The following COL9A3 variants were observed in gnomAD, a reference collection of about 807,000 sequenced individuals.
COL9A3 encodes collagen type IX alpha 3 chain.
Under a neutral mutation model 110.2 loss-of-function variants are expected in COL9A3, and 82 were observed. That is an observed-to-expected ratio of 0.74 (90% CI 0.62 to 0.89). COL9A3 has a LOEUF of 0.89. Among genes scored for constraint, COL9A3 ranks in the 40% least tolerant of loss-of-function variants. COL9A3 has a pLI of 0.00. For synonymous variants in COL9A3, 494 were observed against 403.8 expected (o/e 1.22, Z -2.68); for missense variants, 1,066 against 981.3 (o/e 1.09, Z -1.15).
chr20:62,832,868 C>CG (rs1655355803), intron 25 of COL9A3, 152 bp from the exon 26 acceptor site: 1 of 710,576 alleles, frequency 1.4e-6, no homozygotes, highest in Non-Finnish European at 2.6e-6. Flanking sequence ...GTGTTTGGAG[C>CG]GGGTTAAAAG....
Position 62,828,944 on chromosome 20 carries a change from G to A in COL9A3, c.976G>A (p.Ala326Thr). 6.2e-7 allele frequency: 1 copy of A among 1,611,232 alleles called. No individual in the cohort carries two copies. The highest frequency in any genetic ancestry group is 8.5e-7 in the Non-Finnish European group (1 of 1,179,672). ...GQKGEAGRNG[A>T]PGEKGPNGLP... Reference sequence around the variant, plus strand: ...ACAGGGAGAGGCTGGTCGCAACGGTGCTCCGGGAGAGAAGGGCCCCAACGG... The same window carrying A: ...ACAGGGAGAGGCTGGTCGCAACGGTACTCCGGGAGAGAAGGGCCCCAACGG... Residue 326 changes from alanine to threonine, a missense_variant, in exon 19 of 32, where the codon GCT becomes ACT. By Grantham distance (58) the Ala-to-Thr change is moderately conservative. Coordinates refer to ENST00000649368, the MANE Select transcript of COL9A3 (RefSeq NM_001853.4).
At position 62,837,270 on chromosome 20, in the gene COL9A3, G is replaced by A. The variant is rs2147229797; in HGVS notation, c.1786+5G>A. Reference sequence around the variant, plus strand: ...TGGGAGACCCCGGGCCCAGAGGTGAGTGTTTGACCCCATGACACGGTCACC... The same window carrying A: ...TGGGAGACCCCGGGCCCAGAGGTGAATGTTTGACCCCATGACACGGTCACC... On this transcript the variant is annotated splice_donor_5th_base_variant and intron_variant, in intron 30 of 31. Coordinates refer to ENST00000649368, the MANE Select transcript of COL9A3 (RefSeq NM_001853.4). 3 of 1,608,846 alleles carry A rather than the reference G, an allele frequency of 1.9e-6. No individual in the cohort carries two copies. Among genetic ancestry groups the A allele is most frequent in the Non-Finnish European group, 2.5e-6 (3 of 1,179,730 alleles).
chr20:62,836,179 C>G lies in COL9A3; in HGVS notation c.1402-8C>G. On this transcript the variant is annotated splice_region_variant and splice_polypyrimidine_tract_variant and intron_variant, in intron 27 of 31. Coordinates refer to ENST00000649368, the MANE Select transcript of COL9A3 (RefSeq NM_001853.4). ...GCCCCTGACCCACCTTCCTCTGTTC[C>G]TCTGCAGTCTGGCAGTCGAGGGGAG... 6.2e-7 allele frequency: 1 copy of G among 1,613,038 alleles called. No homozygotes were observed. Among genetic ancestry groups the G allele is most frequent in the Non-Finnish European group, 8.5e-7 (1 of 1,179,874 alleles).
intron 13 of COL9A3, 21 bp downstream of exon 13, chr20:62,825,891 G>C (rs376835378): frequency 6.4e-7 from 1 of 1,556,174 alleles, no homozygotes; most frequent in Non-Finnish European, 8.7e-7. Context: ...GAAGGGGTAA[G>C]GATGGTGGGA....
chr20:62,824,760 C>G (rs553356577), intron 11 of COL9A3, among the ~76,000 whole-genome samples: 2 of 152,332 alleles, frequency 1.3e-5, no homozygotes, highest in South Asian at 4.1e-4. Context: ...CAGCCCAGCC[C>G]TGGCCCGCTC....
Position 62,829,749 on chromosome 20 carries a change from C to A in COL9A3, c.1108-17C>A, listed in dbSNP as rs1330822682. 6.3e-7 allele frequency: 1 copy of A among 1,591,550 alleles called. No individual in the cohort carries two copies. The highest frequency in any genetic ancestry group is 8.6e-7 in the Non-Finnish European group (1 of 1,169,548). On this transcript the variant is annotated splice_polypyrimidine_tract_variant and intron_variant, in intron 21 of 31. Transcript: ENST00000649368. ...TGTGCAGACCCTGCCCTGACACCCTCCTTCCTTTCCCTGTAGGGAGATGCT... is the reference window on the plus strand; with the variant it reads ...TGTGCAGACCCTGCCCTGACACCCTACTTCCTTTCCCTGTAGGGAGATGCT...
At chr20:62,833,427 C>CG (rs1163233182) in intron 26 of COL9A3, among the ~76,000 whole-genome samples, 3 of 152,122 alleles carry the variant, frequency 2.0e-5, no homozygotes, top group Non-Finnish European at 4.4e-5. Flanking sequence ...TGTTTTGAGA[C>CG]GAGTCTCACT....
chr20:62,832,317 C>G, intron 25 of COL9A3, 128 bp downstream of exon 25: 2 of 934,462 alleles, frequency 2.1e-6, no homozygotes, highest in Non-Finnish European at 3.4e-6. Flanking sequence ...CTCCTCTTGC[C>G]GTGTCTGTCA....
rs532958029 is a variant in COL9A3 at position 62,840,869 on chromosome 20, C to T, written c.*137C>T. 255 of 967,708 alleles carry T rather than the reference C, an allele frequency of 2.6e-4. 1 individual carries two copies. In the African/African-American group the frequency reaches 3.5e-3, roughly 13 times the overall value. The allele number at this position is 967,708 out of a possible 1,614,324, so 59.9% of individuals were successfully genotyped here. A position where few individuals can be genotyped will look rare whatever the true frequency, so the allele number is the denominator to read the frequency against. Reference sequence around the variant, plus strand: ...GCCCCTCGGCCGCCGACTGGACGCGCGGGCCTTGCCAGCGAGCACCCTCAT... The same window carrying T: ...GCCCCTCGGCCGCCGACTGGACGCGTGGGCCTTGCCAGCGAGCACCCTCAT... On this transcript the variant is annotated 3_prime_UTR_variant, in exon 32 of 32. Coordinates refer to ENST00000649368, the MANE Select transcript of COL9A3 (RefSeq NM_001853.4).
rs376678392 is a variant in COL9A3 at position 62,828,015 on chromosome 20, G to C, written c.900+39G>C. On this transcript the variant is annotated intron_variant, in intron 17 of 31. Coordinates refer to ENST00000649368, the MANE Select transcript of COL9A3 (RefSeq NM_001853.4). ...GCTGCTCATGGAATGCTCCTCCCCCGGGTCCTGGGTATGTACAGGTGGAGA... is the reference window on the plus strand; with the variant it reads ...GCTGCTCATGGAATGCTCCTCCCCCCGGTCCTGGGTATGTACAGGTGGAGA... 8 of 1,608,510 alleles carry C rather than the reference G, an allele frequency of 5.0e-6. No individual in the cohort carries two copies. In the South Asian group the frequency reaches 8.8e-5, roughly 18 times the overall value.
At chr20:62,822,288 C>T (rs2063518912) in intron 9 of COL9A3, 124 bp downstream of exon 9, 4 of 754,384 alleles carry the variant, frequency 5.3e-6, no homozygotes, top group South Asian at 2.9e-5. Flanking sequence ...AACTTGGCCA[C>T]TCCCAGGAAC....
chr20:62,829,537 G>A, intron 20 of COL9A3, 38 bp downstream of exon 20: 1 of 1,611,226 alleles, frequency 6.2e-7, no homozygotes, highest in Non-Finnish European at 8.5e-7. Flanking sequence ...GGGAGGGGAG[G>A]CGAGGGGCCG....
intron 10 of COL9A3, among the ~76,000 whole-genome samples, chr20:62,823,639 G>C (rs1319273977): frequency 6.6e-6 from 1 of 152,248 alleles, no homozygotes; most frequent in African/African-American, 2.4e-5. Flanking sequence ...AGGGGCTGAA[G>C]ATACGGGTCT....
chr20:62,822,671 T>C (rs757239842), intron 10 of COL9A3, 39 bp downstream of exon 10: 5 of 1,601,860 alleles, frequency 3.1e-6, no homozygotes, highest in Non-Finnish European at 4.3e-6. Flanking sequence ...TGCTGGGGGG[T>C]GCCTACCTTG....
chr20:62,833,678 C>T (rs1050921995), intron 26 of COL9A3, among the ~76,000 whole-genome samples: 6 of 151,626 alleles, frequency 4.0e-5, no homozygotes, highest in Non-Finnish European at 7.4e-5. Flanking sequence ...GCTGGGATTA[C>T]AGGCATGAGC....
At chr20:62,824,878 C>T (rs2063537984) in intron 11 of COL9A3, 90 bp from the exon 12 acceptor site, 27 of 1,367,548 alleles carry the variant, frequency 2.0e-5, no homozygotes, top group Non-Finnish European at 2.5e-5. Context: ...GGGCCCTGGG[C>T]TGACTGACCC....
intron 5 of COL9A3, among the ~76,000 whole-genome samples, chr20:62,820,834 A>AC (rs2063507018): frequency 6.6e-6 from 1 of 152,076 alleles, no homozygotes; most frequent in Non-Finnish European, 1.5e-5. Flanking sequence ...GGGCTCGCTG[A>AC]CGTGGGCGGG....
chr20:62,837,156 TGGCCCCCCTG>T lies in COL9A3; in HGVS notation c.1685_1694del (p.Pro562GlnfsTer108). The T allele has an allele frequency of 3.1e-6, 5 of 1,613,158 alleles. No individual in the cohort carries two copies. The highest frequency in any genetic ancestry group is 2.5e-6 in the Non-Finnish European group (3 of 1,179,930). ...GGTCCATTGGTCGGCCCGGTCCAGC[TGGCCCCCCTG>T]GGCCCCCAGGACCCCCAGGCTCCAT... On this transcript the variant is annotated frameshift_variant, in exon 30 of 32. Coordinates refer to ENST00000649368, the MANE Select transcript of COL9A3 (RefSeq NM_001853.4). LOFTEE classifies it high-confidence loss of function.
chr20:62,840,392 G>GCC (rs1727319881), intron 31 of COL9A3, 150 bp from the exon 32 acceptor site: 7 of 663,424 alleles, frequency 1.1e-5, no homozygotes, highest in Non-Finnish European at 1.8e-5. Flanking sequence ...GCCTTTGTGT[G>GCC]CCGTTCCCTC....
Sources: gnomAD v4.1 joint callset for allele counts (sites outside exome capture counted in the v4.1 genomes callset) on GRCh38, gnomAD v4.1.1 for gene constraint, MANE v1.5 for transcripts, NCBI Gene and HGNC (gene_info 2026-07-23, HGNC 2026-07-21) for gene names.